The following HIBCH variants were observed in gnomAD, a reference collection of about 807,000 sequenced individuals.
HIBCH encodes 3-hydroxyisobutyryl-CoA hydrolase, mitochondrial.
Under a neutral mutation model 58.2 loss-of-function variants are expected in HIBCH, and 50 were observed. The observed-to-expected ratio is 0.86, with a 90% confidence interval of 0.68 to 1.09. The LOEUF is 1.09. Ranked by LOEUF, HIBCH falls within the 50% of genes least tolerant of loss-of-function variation. The pLI is 0.00. For missense variants in HIBCH, 450 were observed against 449.7 expected (o/e 1.00, Z -0.01); for synonymous variants, 151 against 146.9 (o/e 1.03, Z -0.20).
chr2:190,319,706 T>G lies in HIBCH; in HGVS notation c.35+10A>C, dbSNP rs747167987. ...AGAGCCTGCCCTTGGCCCCTCGCTCTCTCACTCACCTCGACATGAGCCTCC... is the reference window on the plus strand; with the variant it reads ...AGAGCCTGCCCTTGGCCCCTCGCTCGCTCACTCACCTCGACATGAGCCTCC... On this transcript the variant is annotated intron_variant, in intron 1 of 13. Transcript: ENST00000359678. The G allele has an allele frequency of 1.1e-5, 18 of 1,610,130 alleles. No homozygotes were observed. The Admixed American group carries it at 3.0e-4, about 27-fold the overall frequency.
At chr2:190,295,374 T>C (rs1163478429) in intron 3 of HIBCH, among the ~76,000 whole-genome samples, 2 of 152,212 alleles carry the variant, frequency 1.3e-5, no homozygotes, top group African/African-American at 2.4e-5. Flanking sequence ...TTCCTTTATG[T>C]TTCATATCCA....
At chr2:190,234,820 A>G (rs947848171) in intron 11 of HIBCH, among the ~76,000 whole-genome samples, 1 of 151,900 alleles carries the variant, frequency 6.6e-6, no homozygotes, top group Non-Finnish European at 1.5e-5. Context: ...AGCCTGGGTG[A>G]CAGAGCAAGA....
At chr2:190,289,425 C>T (rs1687910192) in intron 5 of HIBCH, among the ~76,000 whole-genome samples, 1 of 152,100 alleles carries the variant, frequency 6.6e-6, no homozygotes, top group East Asian at 1.9e-4. Context: ...TCTTTTAGTT[C>T]ATAAATATTT....
intron 9 of HIBCH, among the ~76,000 whole-genome samples, chr2:190,248,177 T>C (rs1686662576): frequency 1.3e-5 from 2 of 152,224 alleles, no homozygotes; most frequent in African/African-American, 4.8e-5. Context: ...TTGTTTGTTT[T>C]GGCCTAGGAA....
In HIBCH at chr2:190,209,865, G is replaced by A. The variant is rs35637581; in HGVS notation, c.1012-952C>T. On this transcript the variant is annotated intron_variant, in intron 12 of 13. Coordinates refer to ENST00000359678, the MANE Select transcript of HIBCH (RefSeq NM_014362.4). The surrounding 1 kb of genome is among the most constrained non-coding windows in gnomAD (Gnocchi z 5.6). The stretch of plus-strand genomic sequence containing the variant: ...ATATTAACTATGTGACCTCGGACTA[G>A]TAATTTCTCCAACCCTAGTTTCTTT... Among the ~76,000 whole-genome samples the A allele has an allele frequency of 6.4e-3, 976 of 152,270 alleles. 10 individuals carry two copies. Among genetic ancestry groups the A allele is most frequent in the Non-Finnish European group, 0.011 (777 of 68,016 alleles).
rs1323438473 is a variant in HIBCH, at chr2:190,244,875, T to C, written c.891+12A>G. 5 of 1,571,194 alleles carry C rather than the reference T, an allele frequency of 3.2e-6. No homozygotes were observed. The highest frequency in any genetic ancestry group is 3.3e-5 in the Admixed American group (2 of 59,976). On this transcript the variant is annotated intron_variant, in intron 11 of 13. Transcript: ENST00000359678. ...CTATGTTCACTCAGGGCAGAAAGGA[T>C]TCCAATATTACCTTCAATTGCTCTA... is the stretch of plus-strand genomic sequence containing the variant.
At chr2:190,205,501 T>C (rs183423333) in intron 13 of HIBCH, among the ~76,000 whole-genome samples, 1 of 152,254 alleles carries the variant, frequency 6.6e-6, no homozygotes, top group African/African-American at 2.4e-5. Flanking sequence ...AATCCAGTGG[T>C]TTAAACATTA....
At chr2:190,199,519 A>AAGTT (rs1690141894), downstream of HIBCH, among the ~76,000 whole-genome samples, 3 of 152,170 alleles carry the variant, frequency 2.0e-5, no homozygotes, top group Admixed American at 6.5e-5. Flanking sequence ...CCTATTTTGC[A>AAGTT]AGTTGCCATT....
Position 190,304,141 on chromosome 2 carries a change from G to GA in HIBCH, c.78+6612dup, listed in dbSNP as rs575980383. On this transcript the variant is annotated intron_variant, in intron 2 of 13. Transcript: ENST00000359678. The surrounding 1 kb of genome is among the most constrained non-coding windows in gnomAD (Gnocchi z 4.1). Reference sequence around the variant, plus strand: ...TTGATTTCTGGAACAGAATATTAATGAAAAAAAACTGGTGAAATCCAAATA... The same window carrying GA: ...TTGATTTCTGGAACAGAATATTAATGAAAAAAAAACTGGTGAAATCCAAATA... Among the ~76,000 whole-genome samples the GA allele has an allele frequency of 1.1e-4, 16 of 149,758 alleles. 1 individual carries two copies. The South Asian group carries it at 1.7e-3, about 16-fold the overall frequency.
chr2:190,228,591 T>G (rs1455524093), intron 11 of HIBCH, among the ~76,000 whole-genome samples: 3 of 152,014 alleles, frequency 2.0e-5, no homozygotes, highest in Admixed American at 1.3e-4. Context: ...TTCTAGAAAA[T>G]TTGATAAATT....
intron 6 of HIBCH, among the ~76,000 whole-genome samples, chr2:190,271,906 T>C (rs1687411911): frequency 6.6e-6 from 1 of 152,198 alleles, no homozygotes; most frequent in African/African-American, 2.4e-5. Flanking sequence ...TGCTCAAATA[T>C]GAATTCTCTC....
At position 190,261,196 on chromosome 2, in the gene HIBCH, A is replaced by G. The variant is rs1303053595; in HGVS notation, c.477T>C (p.Ala159=). ...GCATAGCAAAAAGACACTTTTCTGT[A>G]GCCACTCGAAATTGCCCATGGACTG... is the stretch of plus-strand genomic sequence containing the variant. ...GLSVHGQFRV[A]TEKCLFAMPE... is the part of the protein sequence containing the mutation. Residue 159 remains alanine, a synonymous_variant, in exon 7 of 14, where the codon GCT becomes GCC. Coordinates refer to ENST00000359678, the MANE Select transcript of HIBCH (RefSeq NM_014362.4). The G allele has an allele frequency of 8.1e-6, 13 of 1,613,546 alleles. No individual in the cohort carries two copies. The highest frequency in any genetic ancestry group is 1.0e-5 in the Non-Finnish European group (12 of 1,179,682).
At chr2:190,221,142 T>C (rs1685708007) in intron 11 of HIBCH, among the ~76,000 whole-genome samples, 1 of 152,266 alleles carries the variant, frequency 6.6e-6, no homozygotes, top group East Asian at 1.9e-4. Context: ...TAAAAAGTTC[T>C]GTTGGTTCAG....
rs112452814 is a variant in HIBCH at position 190,254,110 on chromosome 2, C to T, written c.518-1803G>A. Among the ~76,000 whole-genome samples, 1,016 of 152,200 alleles carry T rather than the reference C, an allele frequency of 6.7e-3. 12 individuals are homozygous for T. Among genetic ancestry groups the T allele is most frequent in the African/African-American group, 0.022 (921 of 41,518 alleles). ...TATGACTTTAAATAATATCTATATG[C>T]TGATTACTCCCTGCTATGGACTGCA... On this transcript the variant is annotated intron_variant, in intron 7 of 13. Coordinates refer to ENST00000359678, the MANE Select transcript of HIBCH (RefSeq NM_014362.4). This position sits in a 1 kb window ranked among gnomAD's most constrained non-coding sequence, Gnocchi z 5.0.
intron 6 of HIBCH, among the ~76,000 whole-genome samples, chr2:190,274,626 C>G (rs1440111210): frequency 1.3e-5 from 2 of 152,108 alleles, no homozygotes; most frequent in African/African-American, 4.8e-5. Context: ...ACAAGACAGA[C>G]CAACAAGAGA....
chr2:190,305,171 G>A (rs1165997529), intron 2 of HIBCH, among the ~76,000 whole-genome samples: 1 of 152,066 alleles, frequency 6.6e-6, no homozygotes, highest in African/African-American at 2.4e-5. Flanking sequence ...ATTAACAGTA[G>A]GAATAGAAAG....
At chr2:190,237,018 A>G (rs150646599) in intron 11 of HIBCH, among the ~76,000 whole-genome samples, 35 of 152,336 alleles carry the variant, frequency 2.3e-4, no homozygotes, top group African/African-American at 7.9e-4. Flanking sequence ...TAAATGGTAT[A>G]CTATAATGGG....
intron 11 of HIBCH, among the ~76,000 whole-genome samples, chr2:190,220,050 TAAGTA>T (rs1443343134): frequency 6.6e-6 from 1 of 152,210 alleles, no homozygotes; most frequent in African/African-American, 2.4e-5. Flanking sequence ...TTACAGCATT[TAAGTA>T]TTTAATAAAA....
rs749107767 is a variant in HIBCH at position 190,319,799 on chromosome 2, G to A, written c.-49C>T. ...CAGCAGAGCGAGAATCTCCCGGACC[G>A]TTCCAGCGCCTCGCGTGAGCCCCGC... On this transcript the variant is annotated 5_prime_UTR_variant, in exon 1 of 14. It adds an upstream start codon to the 5' untranslated region. Transcript: ENST00000359678. 2.5e-6 allele frequency: 4 copies of A among 1,588,758 alleles called. No individual in the cohort carries two copies. The highest frequency in any genetic ancestry group is 1.7e-4 in the Middle Eastern group (1 of 6,060).
Sources: gnomAD v4.1 joint callset for allele counts (sites outside exome capture counted in the v4.1 genomes callset) on GRCh38, gnomAD v4.1.1 for gene constraint, Gnocchi (gnomAD v3.1) non-coding constraint, MANE v1.5 for transcripts, NCBI Gene and HGNC (gene_info 2026-07-23, HGNC 2026-07-21) for gene names.